Variants in MYO6 observed in about 807,000 individuals in gnomAD.
MYO6 encodes myosin VI.
In MYO6, 74 loss-of-function variants were observed where a neutral mutation model predicts 178.7. The observed-to-expected ratio is 0.41, with a 90% CI of 0.34 to 0.50. The LOEUF (loss-of-function observed/expected upper bound fraction) is 0.50. MYO6 is among the 20% of genes least tolerant of loss of function. The pLI is 0.09. For synonymous variants in MYO6, 477 were observed against 504.6 expected (o/e 0.95, Z 0.73); for missense variants, 1,330 against 1,547.4 (o/e 0.86, Z 2.36).
intron 1 of MYO6, among the ~76,000 whole-genome samples, chr6:75,752,916 T>C (rs186598487): frequency 6.6e-6 from 1 of 152,350 alleles, no homozygotes; most frequent in Non-Finnish European, 1.5e-5. Flanking sequence ...TTTCCTCTAA[T>C]GAAAAAGATA....
intron 1 of MYO6, among the ~76,000 whole-genome samples, chr6:75,801,253 C>T (rs1583123721): frequency 6.6e-6 from 1 of 151,704 alleles, no homozygotes; most frequent in African/African-American, 2.4e-5. Flanking sequence ...GAAGCAAGCA[C>T]CTTCTTCACA....
rs760568741 is a variant in MYO6 at position 75,827,232 on chromosome 6, G to T, written c.188-1308G>T. ...AGAAATTGCAAAGATAGTAGTTGTA[G>T]TGGTGGTGGTGAGAATGGGTAAGTG... On this transcript the variant is annotated intron_variant, in intron 3 of 34. Coordinates refer to ENST00000369977, the MANE Select transcript of MYO6 (RefSeq NM_004999.4). Among the ~76,000 whole-genome samples, 76 of 148,684 alleles carry T rather than the reference G, an allele frequency of 5.1e-4. 1 individual carries two copies. Among genetic ancestry groups the T allele is most frequent in the Non-Finnish European group, 8.7e-4 (59 of 67,992 alleles).
chr6:75,864,584 A>G (rs1471950870), intron 16 of MYO6, among the ~76,000 whole-genome samples: 1 of 152,134 alleles, frequency 6.6e-6, no homozygotes, highest in Non-Finnish European at 1.5e-5. Flanking sequence ...CTTTACCAGG[A>G]GTTGGCACCT....
At chr6:75,792,145 A>G (rs978164974) in intron 1 of MYO6, among the ~76,000 whole-genome samples, 1 of 152,190 alleles carries the variant, frequency 6.6e-6, no homozygotes, top group Non-Finnish European at 1.5e-5. Context: ...CATATTATAA[A>G]AACAGTTAAA....
intron 22 of MYO6, among the ~76,000 whole-genome samples, chr6:75,881,423 T>G (rs1304086423): frequency 8.3e-6 from 1 of 120,392 alleles, no homozygotes; most frequent in African/African-American, 3.3e-5. Flanking sequence ...TTAAAAGTCA[T>G]CCCCCCCCCC....
chr6:75,761,919 A>G (rs1045304143), intron 1 of MYO6, among the ~76,000 whole-genome samples: 1 of 151,774 alleles, frequency 6.6e-6, no homozygotes, highest in Non-Finnish European at 1.5e-5. Flanking sequence ...CTAGCACAGT[A>G]TAATTGTAAC....
chr6:75,751,582 G>A (rs1776898038), intron 1 of MYO6, among the ~76,000 whole-genome samples: 1 of 152,134 alleles, frequency 6.6e-6, no homozygotes. Context: ...ATCTGAAATG[G>A]ATTTTTCCCT....
At chr6:75,871,249 A>AT (rs950585098) in intron 19 of MYO6, among the ~76,000 whole-genome samples, 13 of 152,060 alleles carry the variant, frequency 8.5e-5, no homozygotes, top group Admixed American at 3.9e-4. Flanking sequence ...AGAACTTGAA[A>AT]TTTTGTTTTT....
chr6:75,859,407 C>G (rs574331027), intron 14 of MYO6, among the ~76,000 whole-genome samples: 1 of 151,504 alleles, frequency 6.6e-6, no homozygotes, highest in South Asian at 2.1e-4. Context: ...TCAAGCGATT[C>G]TCCTGCCTCA....
chr6:75,790,263 A>C (rs986066257), intron 1 of MYO6, among the ~76,000 whole-genome samples: 13 of 152,186 alleles, frequency 8.5e-5, no homozygotes, highest in Admixed American at 8.5e-4. Context: ...CAAAACTACT[A>C]TACCAATTTA....
chr6:75,838,245 C>T (rs532364757), intron 7 of MYO6, among the ~76,000 whole-genome samples: 76 of 151,728 alleles, frequency 5.0e-4, no homozygotes, highest in African/African-American at 1.6e-3. Flanking sequence ...TTAGTAGAGT[C>T]GGGGTTTCAC....
chr6:75,883,033 A>G (rs1218394165), intron 23 of MYO6, among the ~76,000 whole-genome samples: 1 of 152,170 alleles, frequency 6.6e-6, no homozygotes, highest in African/African-American at 2.4e-5. Context: ...ACAAGTGCAG[A>G]TGTATGATAA....
At position 75,828,299 on chromosome 6, in the gene MYO6, G is replaced by C. The variant is rs1037149926; in HGVS notation, c.188-241G>C. Among the ~76,000 whole-genome samples, 4 of 152,116 alleles carry C rather than the reference G, an allele frequency of 2.6e-5. No individual in the cohort carries two copies. The East Asian group carries it at 7.7e-4, about 29-fold the overall frequency. ...ACCTTCATTAATGAGTACTCACTAG[G>C]TTTACTCTTTTAGTTGAAAATTCAT... On this transcript the variant is annotated intron_variant, in intron 3 of 34. Coordinates refer to ENST00000369977, the MANE Select transcript of MYO6 (RefSeq NM_004999.4).
intron 1 of MYO6, among the ~76,000 whole-genome samples, chr6:75,754,706 A>G (rs141903590): frequency 4.6e-4 from 70 of 152,182 alleles, no homozygotes; most frequent in African/African-American, 1.7e-3. Flanking sequence ...CTGTGCTGGC[A>G]TATCTTTGGA....
intron 30 of MYO6, among the ~76,000 whole-genome samples, chr6:75,899,618 T>C (rs1779572199): frequency 6.6e-6 from 1 of 151,078 alleles, no homozygotes; most frequent in South Asian, 2.1e-4. Flanking sequence ...CTTAGACCGC[T>C]TATGAAAAGT....
intron 13 of MYO6, 100 bp from the exon 14 acceptor site, chr6:75,858,802 A>C: frequency 1.4e-6 from 1 of 739,610 alleles, no homozygotes; most frequent in Non-Finnish European, 2.3e-6. Flanking sequence ...ATTTAACCTA[A>C]TTTTAAATTA....
intron 13 of MYO6, among the ~76,000 whole-genome samples, chr6:75,857,897 C>T (rs1158254657): frequency 6.6e-6 from 1 of 152,116 alleles, no homozygotes; most frequent in African/African-American, 2.4e-5. Context: ...TGGGCTTTAT[C>T]AATGTGGGCA....
At chr6:75,850,507 T>C (rs1216963722) in intron 11 of MYO6, among the ~76,000 whole-genome samples, 2 of 151,704 alleles carry the variant, frequency 1.3e-5, no homozygotes, top group Admixed American at 1.3e-4. Flanking sequence ...AATTGTCCCT[T>C]CTTTCTCCCA....
At chr6:75,887,226 A>G (rs1778505430) in intron 25 of MYO6, among the ~76,000 whole-genome samples, 1 of 152,218 alleles carries the variant, frequency 6.6e-6, no homozygotes, top group African/African-American at 2.4e-5. Flanking sequence ...TCTGTTGCTA[A>G]GAAAGATATC....
Sources: allele counts gnomAD v4.1 joint callset (sites outside exome capture counted in the v4.1 genomes callset), GRCh38; gene constraint gnomAD v4.1.1; transcripts MANE v1.5; gene names NCBI Gene and HGNC (gene_info 2026-07-23, HGNC 2026-07-21).